DNAI7: variants seen among roughly 807,000 people sequenced by gnomAD.
DNAI7 encodes dynein axonemal intermediate chain 7.
A neutral mutation model predicts 86.6 loss-of-function variants in DNAI7; 78 were observed. That is an observed-to-expected ratio of 0.90 (90% CI 0.75 to 1.09). The LOEUF (loss-of-function observed/expected upper bound fraction) is 1.09. Among genes scored for constraint, DNAI7 ranks in the 50% least tolerant of loss-of-function variants. The pLI, the probability that DNAI7 is intolerant of heterozygous loss-of-function variation, is 0.00. For synonymous variants in DNAI7, 274 were observed against 273.0 expected (o/e 1.00, Z -0.04); for missense variants, 753 against 810.2 (o/e 0.93, Z 0.86).
chr12:25,174,357 TATCC>T (rs1948531396), intron 2 of DNAI7, among the ~76,000 whole-genome samples: 2 of 6,820 alleles, frequency 2.9e-4, no homozygotes, highest in African/African-American at 5.7e-4. Flanking sequence ...ATGATATATA[TATCC>T]CATATATATG....
intron 9 of DNAI7, among the ~76,000 whole-genome samples, chr12:25,131,386 C>T (rs1942904829): frequency 1.3e-5 from 2 of 152,190 alleles, no homozygotes; most frequent in Admixed American, 1.3e-4. Flanking sequence ...TCTCCTGTAG[C>T]TGTGATTATA....
chr12:25,168,500 T>C (rs1947754034), intron 2 of DNAI7, among the ~76,000 whole-genome samples: 1 of 152,198 alleles, frequency 6.6e-6, no homozygotes, highest in Non-Finnish European at 1.5e-5. Flanking sequence ...TCTGCTAGCA[T>C]CACAGACATC....
At chr12:25,145,894 T>C (rs1944767843) in intron 8 of DNAI7, among the ~76,000 whole-genome samples, 1 of 152,154 alleles carries the variant, frequency 6.6e-6, no homozygotes, top group South Asian at 2.1e-4. Context: ...ATTGGGGAAA[T>C]AGCACTAAAA....
At chr12:25,113,279 CTGTTGT>C (rs111423023) in intron 13 of DNAI7, among the ~76,000 whole-genome samples, 18,317 of 150,580 alleles carry the variant, frequency 0.12, 1,362 homozygotes, top group African/African-American at 0.2. Flanking sequence ...GTTGTTGTTG[CTGTTGT>C]TGTTGTTGTT....
chr12:25,168,094 G>A (rs528894077), intron 2 of DNAI7, among the ~76,000 whole-genome samples: 4 of 152,264 alleles, frequency 2.6e-5, no homozygotes, highest in East Asian at 3.9e-4. Flanking sequence ...ATCAGTTCCC[G>A]TTACAACCTC....
chr12:25,194,320 AAGC>A (rs1198880971), intron 1 of DNAI7, among the ~76,000 whole-genome samples: 4 of 152,178 alleles, frequency 2.6e-5, no homozygotes, highest in African/African-American at 9.7e-5. Flanking sequence ...TGTATCCTAT[AAGC>A]AGAGTTGTCG....
chr12:25,157,862 A>G (rs904940552), intron 4 of DNAI7, among the ~76,000 whole-genome samples: 2 of 147,732 alleles, frequency 1.4e-5, no homozygotes, highest in Admixed American at 1.4e-4. Context: ...TGTTCCTGTT[A>G]TCTTGTCTAT....
chr12:25,165,908 C>A (rs1332772121), intron 2 of DNAI7, among the ~76,000 whole-genome samples: 3 of 152,140 alleles, frequency 2.0e-5, no homozygotes, highest in Non-Finnish European at 4.4e-5. Context: ...ACTTATTAGG[C>A]CGAGACACTT....
At position 25,161,198 on chromosome 12, in the gene DNAI7, C is replaced by G. The variant is rs1169402588; in HGVS notation, c.22-1G>C. 12 of 1,613,028 alleles carry G rather than the reference C, an allele frequency of 7.4e-6. No homozygotes were observed. Among genetic ancestry groups the G allele is most frequent in the Non-Finnish European group, 1.0e-5 (12 of 1,179,278 alleles). On this transcript the variant is annotated splice_acceptor_variant, in intron 2 of 15. Transcript: ENST00000395987. LOFTEE classifies it high-confidence loss of function. Reference sequence around the variant, plus strand: ...TGACTTTCTTTTTCTTACTGCCAGACTTAACAAAGGCCACATCATAAAAAA... The same window carrying G: ...TGACTTTCTTTTTCTTACTGCCAGAGTTAACAAAGGCCACATCATAAAAAA...
intron 2 of DNAI7, among the ~76,000 whole-genome samples, chr12:25,182,038 T>TC (rs1949553078): frequency 1.3e-5 from 2 of 152,064 alleles, no homozygotes; most frequent in East Asian, 3.9e-4. Context: ...AAGAAATTTT[T>TC]TTTTTTTTTT....
intron 12 of DNAI7, among the ~76,000 whole-genome samples, chr12:25,118,573 T>A (rs1449989530): frequency 6.6e-6 from 1 of 152,022 alleles, no homozygotes; most frequent in African/African-American, 2.4e-5. Context: ...TGTTTGTTTT[T>A]TTGAGACAGA....
intron 2 of DNAI7, among the ~76,000 whole-genome samples, chr12:25,178,388 G>T (rs1949169812): frequency 6.6e-6 from 1 of 152,054 alleles, no homozygotes. Flanking sequence ...GGCATAAAAA[G>T]TTGCTCAAAT....
chr12:25,168,668 T>C (rs1035502783), intron 2 of DNAI7, among the ~76,000 whole-genome samples: 15 of 152,190 alleles, frequency 9.9e-5, no homozygotes, highest in Non-Finnish European at 1.9e-4. Context: ...TCTGGCCTAG[T>C]GTATGACAAC....
intron 1 of DNAI7, 99 bp from the exon 2 acceptor site, chr12:25,190,730 T>C: frequency 1.7e-6 from 1 of 581,888 alleles, no homozygotes; most frequent in Non-Finnish European, 2.9e-6. Context: ...AGAAGCTTGG[T>C]AAAGGGCATA....
rs539148575 is a variant in DNAI7, at chr12:25,161,761, G to C, written c.22-564C>G. ...AAGAGGGAAATGCAGGTACAAGATA[G>C]GGGATTGAAAGAGCATTGGATGGAC... On this transcript the variant is annotated intron_variant, in intron 2 of 15. Coordinates refer to ENST00000395987, the MANE Select transcript of DNAI7 (RefSeq NM_018272.5). 2.0e-5 allele frequency among the ~76,000 whole-genome samples: 3 copies of C among 152,316 alleles called. No individual in the cohort carries two copies. The East Asian group carries it at 5.8e-4, about 29-fold the overall frequency.
chr12:25,166,340 C>T (rs1037968792), intron 2 of DNAI7, among the ~76,000 whole-genome samples: 3 of 152,082 alleles, frequency 2.0e-5, no homozygotes, highest in East Asian at 1.9e-4. Flanking sequence ...CAAACCCATA[C>T]ACTCTCCTAT....
Position 25,147,003 on chromosome 12 carries a change from T to G in DNAI7, c.687A>C (p.Pro229=). The G allele has an allele frequency of 6.5e-7, 1 of 1,530,624 alleles. No individual in the cohort carries two copies. Among genetic ancestry groups the G allele is most frequent in the Non-Finnish European group, 9.1e-7 (1 of 1,104,814 alleles). The allele number at this position is 1,530,624 out of a possible 1,614,324, so 94.8% of individuals were successfully genotyped here. ...GAAAGTATTGCCCACAAGGGTACCTTGGATTCTTCTTGAGGTTTGCCCACA... is the reference window on the plus strand; with the variant it reads ...GAAAGTATTGCCCACAAGGGTACCTGGGATTCTTCTTGAGGTTTGCCCACA... The part of the protein sequence containing the change: ...LYVWANLKKN[P]RHRSVRFSET... The change falls in exon 8 of 16, where the codon CCA becomes CCC. Residue 229 remains proline, a splice_region_variant and synonymous_variant. Transcript: ENST00000395987.
chr12:25,131,238 C>T (rs1427807609), intron 9 of DNAI7, among the ~76,000 whole-genome samples: 1 of 151,406 alleles, frequency 6.6e-6, no homozygotes, highest in Non-Finnish European at 1.5e-5. Context: ...GCCTACTGAT[C>T]TTACATGTAG....
chr12:25,114,879 T>A lies in DNAI7; in HGVS notation c.1397-9A>T, dbSNP rs1565626392. The A allele has an allele frequency of 2.5e-6, 4 of 1,588,926 alleles. No homozygotes were observed. The highest frequency in any genetic ancestry group is 3.4e-6 in the Non-Finnish European group (4 of 1,161,568). ...AGTTCTCCAATGTTTACCTTTATAA[T>A]TGATGAAGAAAGTGACACTAGTTTC... On this transcript the variant is annotated splice_polypyrimidine_tract_variant and intron_variant, in intron 12 of 15. Transcript: ENST00000395987.
Sources: gnomAD v4.1 joint callset for allele counts (sites outside exome capture counted in the v4.1 genomes callset) on GRCh38, gnomAD v4.1.1 for gene constraint, MANE v1.5 for transcripts, NCBI Gene and HGNC (gene_info 2026-07-23, HGNC 2026-07-21) for gene names.